The following OBI1 variants were observed in gnomAD, a reference collection of about 807,000 sequenced individuals.
OBI1 encodes the protein ring finger protein 219.
OBI1 carries 59 observed loss-of-function variants against 62.4 expected under a neutral mutation model. That is an observed-to-expected ratio of 0.95 (90% CI 0.77 to 1.17). The LOEUF (loss-of-function observed/expected upper bound fraction) is 1.17. Ranked by LOEUF, OBI1 falls within the 50% of genes most tolerant of loss-of-function variation. The pLI is 0.00. For missense variants in OBI1, 875 were observed against 830.9 expected (o/e 1.05, Z -0.65); for synonymous variants, 302 against 292.8 (o/e 1.03, Z -0.32).
chr13:78,632,021 T>C (rs934338360), intron 5 of OBI1, among the ~76,000 whole-genome samples: 1 of 152,172 alleles, frequency 6.6e-6, no homozygotes, highest in Non-Finnish European at 1.5e-5. Flanking sequence ...ATGGTATCTG[T>C]TGGAGCATCT....
At chr13:78,617,461 C>A (rs1875350831) in intron 5 of OBI1, 1 of 197,142 alleles carries the variant, frequency 5.1e-6, no homozygotes, top group Non-Finnish European at 1.0e-5. Context: ...TCCCCTAAAA[C>A]AATGGCAAAG....
intron 5 of OBI1, among the ~76,000 whole-genome samples, chr13:78,634,224 G>C (rs1437375936): frequency 6.6e-6 from 1 of 152,072 alleles, no homozygotes; most frequent in South Asian, 2.1e-4. Flanking sequence ...TTCTATTTCA[G>C]ATAGGCTTTT....
At chr13:78,647,913 G>C (rs767163468) in intron 1 of OBI1, among the ~76,000 whole-genome samples, 8 of 151,954 alleles carry the variant, frequency 5.3e-5, no homozygotes, top group Non-Finnish European at 1.2e-4. Context: ...AGATAATCTG[G>C]AATAGATTTA....
intron 5 of OBI1, among the ~76,000 whole-genome samples, chr13:78,617,510 A>T (rs1337741630): frequency 6.6e-6 from 1 of 152,250 alleles, no homozygotes. Flanking sequence ...ACATCTTGAA[A>T]TATTTACATT....
intron 1 of OBI1, among the ~76,000 whole-genome samples, chr13:78,647,091 C>G (rs60300195): frequency 6.6e-6 from 1 of 152,192 alleles, no homozygotes; most frequent in South Asian, 2.1e-4. Flanking sequence ...CAATGCACGG[C>G]GGAAAGCCGC....
At chr13:78,621,340 A>G (rs139289745) in intron 5 of OBI1, among the ~76,000 whole-genome samples, 231 of 152,346 alleles carry the variant, frequency 1.5e-3, no homozygotes, top group African/African-American at 5.4e-3. Flanking sequence ...TTCAAAAAAC[A>G]CTACATAAAT....
intron 1 of OBI1, among the ~76,000 whole-genome samples, chr13:78,654,816 C>T (rs1876651094): frequency 6.6e-6 from 1 of 151,226 alleles, no homozygotes; most frequent in African/African-American, 2.5e-5. Context: ...TATGGAGCCA[C>T]ACAAGGCTTG....
Position 78,618,123 on chromosome 13 carries a change from C to A in OBI1, c.639-1001G>T, listed in dbSNP as rs1232982197. 3.3e-5 allele frequency among the ~76,000 whole-genome samples: 5 copies of A among 152,150 alleles called. No individual in the cohort carries two copies. In the South Asian group the frequency reaches 6.2e-4, roughly 19 times the overall value. ...TCAATCTTATCACCAAAAATAAATT[C>A]TATCTTTCAGGAAACTTATGAGCCA... On this transcript the variant is annotated intron_variant, in intron 5 of 5. Coordinates refer to ENST00000282003, the MANE Select transcript of OBI1 (RefSeq NM_024546.4).
rs369972211 is a variant in OBI1, at chr13:78,638,963, T to C, written c.409A>G (p.Asn137Asp). 47 of 1,613,914 alleles carry C rather than the reference T, an allele frequency of 2.9e-5. No individual in the cohort carries two copies. Among genetic ancestry groups the C allele is most frequent in the Non-Finnish European group, 3.7e-5 (44 of 1,179,968 alleles). The change falls in exon 4 of 6, where the codon AAC becomes GAC. Residue 137 changes from asparagine to aspartate, a missense_variant. Asn to Asp is a conservative substitution (Grantham distance 23). Coordinates refer to ENST00000282003, the MANE Select transcript of OBI1 (RefSeq NM_024546.4). ...ILDPLTLVQG[N>D]QNEDKHLVTD... is the part of the protein sequence containing the mutation. ...ACTAGATGTTTGTCTTCATTTTGGTTGCCCTGCACCAAGGTTAAAGGATCC... is the reference window on the plus strand; with the variant it reads ...ACTAGATGTTTGTCTTCATTTTGGTCGCCCTGCACCAAGGTTAAAGGATCC...
At chr13:78,620,070 C>T (rs1394632944) in intron 5 of OBI1, among the ~76,000 whole-genome samples, 3 of 152,150 alleles carry the variant, frequency 2.0e-5, no homozygotes, top group Admixed American at 2.0e-4. Context: ...TATACTGCTC[C>T]ACCCCAAAAA....
chr13:78,658,928 A>G, intron 1 of OBI1, 121 bp downstream of exon 1: 1 of 766,140 alleles, frequency 1.3e-6, no homozygotes, highest in Non-Finnish European at 2.2e-6. Context: ...AACGCGGGTT[A>G]GCGTTTTCTC....
chr13:78,634,242 G>C (rs114689257), intron 5 of OBI1, among the ~76,000 whole-genome samples: 1 of 151,828 alleles, frequency 6.6e-6, no homozygotes, highest in Non-Finnish European at 1.5e-5. Context: ...TTTTTTTAGT[G>C]TAATGGTTAA....
chr13:78,633,927 C>T (rs933046355), intron 5 of OBI1, among the ~76,000 whole-genome samples: 3 of 151,664 alleles, frequency 2.0e-5, no homozygotes, highest in Non-Finnish European at 2.9e-5. Context: ...ATTAGCCGGG[C>T]GAGGTGGCGG....
chr13:78,657,880 A>G (rs888631088), intron 1 of OBI1, among the ~76,000 whole-genome samples: 1 of 152,188 alleles, frequency 6.6e-6, no homozygotes, highest in Non-Finnish European at 1.5e-5. Context: ...GCTCAATGCC[A>G]GCTCAAACAC....
intron 5 of OBI1, among the ~76,000 whole-genome samples, chr13:78,632,555 GA>G (rs1473935987): frequency 6.6e-6 from 1 of 152,152 alleles, no homozygotes; most frequent in Non-Finnish European, 1.5e-5. Context: ...GCCGAAAAGA[GA>G]AAAATAGTTA....
chr13:78,639,888 T>C (rs1488887411), intron 3 of OBI1, among the ~76,000 whole-genome samples: 12 of 146,926 alleles, frequency 8.2e-5, no homozygotes, highest in African/African-American at 2.8e-4. Flanking sequence ...ATATACCTAA[T>C]GCTAGATGAC....
intron 1 of OBI1, among the ~76,000 whole-genome samples, chr13:78,656,387 A>G (rs1410890240): frequency 2.6e-5 from 4 of 152,198 alleles, no homozygotes; most frequent in African/African-American, 9.6e-5. Context: ...GTTCAAGACC[A>G]GCCTGACCAA....
intron 5 of OBI1, among the ~76,000 whole-genome samples, chr13:78,633,687 A>C (rs553307178): frequency 6.6e-6 from 1 of 152,240 alleles, no homozygotes; most frequent in African/African-American, 2.4e-5. Context: ...TGCAACCCTT[A>C]AATCCCAACT....
rs1876808867 is a variant in OBI1, at chr13:78,659,132, G to A, written c.-12C>T. On this transcript the variant is annotated 5_prime_UTR_variant, in exon 1 of 6. Coordinates refer to ENST00000282003, the MANE Select transcript of OBI1 (RefSeq NM_024546.4). ...ACGGTCTGAGCCATGGCAGCGTTCA[G>A]AATCCCGCCAACACGGAAGTCCCGC... 1.6e-5 allele frequency: 25 copies of A among 1,608,516 alleles called. No individual in the cohort carries two copies. The highest frequency in any genetic ancestry group is 2.0e-5 in the Non-Finnish European group (24 of 1,177,560).
Sources: gnomAD v4.1 joint callset for allele counts (sites outside exome capture counted in the v4.1 genomes callset) on GRCh38, gnomAD v4.1.1 for gene constraint, MANE v1.5 for transcripts, NCBI Gene and HGNC (gene_info 2026-07-23, HGNC 2026-07-21) for gene names.